Variants in ZNG1A observed in about 807,000 individuals in gnomAD.
ZNG1A encodes the protein zinc-regulated GTPase metalloprotein activator 1A.
chr9:165,089 A>G, the ZNG1A span, among the ~76,000 whole-genome samples: 1 of 152,208 alleles, frequency 6.6e-6, no homozygotes. Flanking sequence ...CTTTACCATG[A>G]CAATTATTTA....
chr9:145,840 T>C, the ZNG1A span, among the ~76,000 whole-genome samples: 3 of 151,926 alleles, frequency 2.0e-5, no homozygotes, highest in Non-Finnish European at 4.4e-5. Flanking sequence ...GTATTAGACA[T>C]AGTGTTTGGT....
the ZNG1A span, among the ~76,000 whole-genome samples, chr9:160,717 T>C: frequency 2.1e-5 from 3 of 146,128 alleles, no homozygotes; most frequent in Non-Finnish European, 4.5e-5. Context: ...ACTTTTAGCA[T>C]GGCATTTTCA....
the ZNG1A span, among the ~76,000 whole-genome samples, chr9:125,167 CACCAGCAGTGT>C: frequency 6.6e-6 from 1 of 152,092 alleles, no homozygotes; most frequent in South Asian, 2.1e-4. Flanking sequence ...TTTACATTCC[CACCAGCAGTGT>C]AGAAGTGTTC....
the ZNG1A span, among the ~76,000 whole-genome samples, chr9:137,022 AG>A: frequency 7.0e-6 from 1 of 142,082 alleles, no homozygotes; most frequent in Non-Finnish European, 1.5e-5. Flanking sequence ...CCCAGGTGTC[AG>A]AGTGAGACTC....
the ZNG1A span, among the ~76,000 whole-genome samples, chr9:141,904 A>G: frequency 0.032 from 4,872 of 151,882 alleles, 186 homozygotes; most frequent in African/African-American, 0.11. Context: ...AGTCTCTGAT[A>G]AAACAGACTT....
At chr9:146,426 C>T in the ZNG1A span, 1 of 316,038 alleles carries the variant, frequency 3.2e-6, no homozygotes, top group East Asian at 6.0e-5. Context: ...AAAAAATCAG[C>T]TAAAGAACAG....
the ZNG1A span, among the ~76,000 whole-genome samples, chr9:168,726 A>G: frequency 1.4e-5 from 2 of 146,834 alleles, no homozygotes; most frequent in African/African-American, 5.4e-5. Context: ...ATAATCATTT[A>G]CTATCCTAAA....
At chr9:169,268 T>C in the ZNG1A span, among the ~76,000 whole-genome samples, 1 of 149,502 alleles carries the variant, frequency 6.7e-6, no homozygotes, top group Non-Finnish European at 1.5e-5. Context: ...TAACTGCCGA[T>C]GTGGTGGAAA....
At chr9:171,391 G>A in the ZNG1A span, among the ~76,000 whole-genome samples, 3 of 152,018 alleles carry the variant, frequency 2.0e-5, no homozygotes, top group Non-Finnish European at 4.4e-5. Flanking sequence ...TAACTTTTAT[G>A]CAAAATGAAA....
chr9:167,166 T>C, the ZNG1A span: 1 of 151,636 alleles, frequency 6.6e-6, no homozygotes, highest in Non-Finnish European at 1.5e-5. Flanking sequence ...ACACTAGATG[T>C]CCCAAAATAA....
chr9:165,996 C>T, the ZNG1A span: 9 of 147,434 alleles, frequency 6.1e-5, no homozygotes, highest in African/African-American at 2.1e-4. Flanking sequence ...AAATACACTC[C>T]AAAATGACAA....
chr9:129,341 G>C, the ZNG1A span, among the ~76,000 whole-genome samples: 1 of 151,738 alleles, frequency 6.6e-6, no homozygotes, highest in Non-Finnish European at 1.5e-5. Context: ...ACTAAAAAAA[G>C]GTTCAAATTG....
the ZNG1A span, chr9:172,028 T>C: frequency 1.9e-6 from 3 of 1,608,818 alleles, no homozygotes; most frequent in East Asian, 6.7e-5. Flanking sequence ...AATACATCTA[T>C]TTACAATATA....
At chr9:173,335 G>A in the ZNG1A span, 2 of 1,602,960 alleles carry the variant, frequency 1.2e-6, no homozygotes, top group Non-Finnish European at 1.7e-6. Context: ...CTCCACCTTG[G>A]CTGACAGCTA....
chr9:150,116 G>GTTTTTTTTTTTTTTTTTTTT, the ZNG1A span: 5 of 101,388 alleles, frequency 4.9e-5, 2 homozygotes, highest in Non-Finnish European at 9.3e-5. Flanking sequence ...CAAATCTCCG[G>GTTTTTTTTTTTTTTTTTTTT]TTTTGTTTTT....
At chr9:166,588 A>G in the ZNG1A span, 1 of 152,656 alleles carries the variant, frequency 6.6e-6, no homozygotes, top group Non-Finnish European at 1.5e-5. Flanking sequence ...AAAACTAAAG[A>G]AAATTCTCAA....
the ZNG1A span, among the ~76,000 whole-genome samples, chr9:145,673 C>G: frequency 6.6e-6 from 1 of 150,784 alleles, no homozygotes; most frequent in Non-Finnish European, 1.5e-5. Context: ...CATTGTGCAC[C>G]TGTACCCTAA....
At chr9:170,098 G>A in the ZNG1A span, among the ~76,000 whole-genome samples, 1 of 146,344 alleles carries the variant, frequency 6.8e-6, no homozygotes, top group African/African-American at 2.6e-5. Context: ...TTACTGCAGT[G>A]ATATGGAACT....
chr9:171,770 T>C, the ZNG1A span: 1 of 353,434 alleles, frequency 2.8e-6, no homozygotes, highest in Admixed American at 4.3e-5. Context: ...CAACTGTACT[T>C]AGAGGTAGAA....
Sources: allele counts gnomAD v4.1 joint callset (sites outside exome capture counted in the v4.1 genomes callset), GRCh38; gene constraint gnomAD v4.1.1; transcripts MANE v1.5; gene names NCBI Gene and HGNC (gene_info 2026-07-23, HGNC 2026-07-21).